Variants in DAB1 observed in about 807,000 individuals in gnomAD.
DAB1 encodes the protein disabled homolog 1.
DAB1 carries 15 observed loss-of-function variants against 64.6 expected under a neutral mutation model. The observed-to-expected ratio is 0.23, with a 90% CI of 0.16 to 0.36. DAB1 has a LOEUF of 0.36. DAB1 is among the 10% of genes least tolerant of loss of function. The probability of loss-of-function intolerance (pLI) is 1.00; values close to 1 mark genes in which losing one functional copy is unlikely to be tolerated. For missense variants in DAB1, 596 were observed against 706.7 expected, an observed-to-expected ratio of 0.84 and a Z score of 1.78; for synonymous variants, 235 against 251.9, an observed-to-expected ratio of 0.93 and a Z score of 0.64.
At chr1:57,361,144 A>T (rs987065988) in intron 1 of DAB1, among the ~76,000 whole-genome samples, 2 of 152,174 alleles carry the variant, frequency 1.3e-5, no homozygotes, top group Non-Finnish European at 2.9e-5. Context: ...AGACAAAAAA[A>T]TAAAGAGCAT....
chr1:57,745,065 G>A (rs1648200280), intron 6 of DAB1, among the ~76,000 whole-genome samples: 1 of 152,166 alleles, frequency 6.6e-6, no homozygotes, highest in African/African-American at 2.4e-5. Context: ...CTGCCATTTA[G>A]TAATTGGTAA....
chr1:57,916,961 T>C (rs546433663), intron 5 of DAB1, among the ~76,000 whole-genome samples: 28 of 152,106 alleles, frequency 1.8e-4, no homozygotes, highest in African/African-American at 6.0e-4. Context: ...AAAAAAAGTT[T>C]TAATGAATCA....
At chr1:57,691,539 T>G (rs1646764349) in intron 6 of DAB1, among the ~76,000 whole-genome samples, 1 of 152,136 alleles carries the variant, frequency 6.6e-6, no homozygotes, top group African/African-American at 2.4e-5. Flanking sequence ...CTGATCACTC[T>G]TTGGGTCTGC....
rs991032465 is a variant in DAB1 at position 58,180,295 on chromosome 1, T to C, written n.310-29707A>G. ...TTTTTTCTTTTCTTTTTTTTTTTTT[T>C]TTTTTTTTTTTTTTTGAGATAGGAT... On this transcript the variant is annotated intron_variant and non_coding_transcript_variant, in intron 4 of 20. Coordinates refer to the DAB1 transcript ENST00000485760. Among the ~76,000 whole-genome samples, 405 of 130,796 alleles carry C rather than the reference T, an allele frequency of 3.1e-3. 4 individuals carry two copies. The highest frequency in any genetic ancestry group is 5.1e-3 in the Non-Finnish European group (320 of 62,160). The allele number at this position is 130,796 out of a possible 152,430, so 85.8% of individuals were successfully genotyped here.
chr1:58,056,329 C>T (rs1648088896), intron 5 of DAB1: 1 of 1,570,560 alleles, frequency 6.4e-7, no homozygotes, highest in Non-Finnish European at 8.7e-7. Context: ...AGAAATGTCC[C>T]TGACTGCTGC....
chr1:57,798,115 G>A lies in DAB1; in HGVS notation n.551+85884C>T, dbSNP rs139429164. The stretch of plus-strand genomic sequence containing the variant: ...TAGCAGGCCCAAGTCACTCAGCAAT[G>A]AGTGACAGATTCAATATTCAAACCC... On this transcript the variant is annotated intron_variant and non_coding_transcript_variant, in intron 6 of 20. Coordinates refer to the DAB1 transcript ENST00000485760. 1.3e-3 allele frequency among the ~76,000 whole-genome samples: 191 copies of A among 152,286 alleles called. No individual in the cohort carries two copies. In the Middle Eastern group the frequency reaches 0.031, roughly 24 times the overall value.
intron 4 of DAB1, among the ~76,000 whole-genome samples, chr1:57,116,216 C>A (rs1656091168): frequency 6.6e-6 from 1 of 151,450 alleles, no homozygotes; most frequent in African/African-American, 2.4e-5. Flanking sequence ...GTAATCCCAG[C>A]ACTTTGGGAG....
intron 5 of DAB1, among the ~76,000 whole-genome samples, chr1:57,908,767 C>T (rs1017851411): frequency 6.6e-6 from 1 of 152,170 alleles, no homozygotes; most frequent in Non-Finnish European, 1.5e-5. Context: ...CTGCTTTTCT[C>T]AGCTGAGGCC....
upstream of DAB1, among the ~76,000 whole-genome samples, chr1:57,884,349 A>G (rs1644191433): frequency 6.6e-6 from 1 of 152,210 alleles, no homozygotes; most frequent in African/African-American, 2.4e-5. Context: ...GTGCTGAGCT[A>G]AACAAAAGGG....
chr1:58,103,119 G>A (rs1220893270), intron 5 of DAB1, among the ~76,000 whole-genome samples: 2 of 152,166 alleles, frequency 1.3e-5, no homozygotes, highest in African/African-American at 2.4e-5. Context: ...AAGACTTCCT[G>A]CGGCACCCGA....
At chr1:58,115,283 ATGAGATATCATCTC>A (rs1243240685) in intron 5 of DAB1, among the ~76,000 whole-genome samples, 51 of 43,628 alleles carry the variant, frequency 1.2e-3, no homozygotes, top group Admixed American at 3.3e-3. Context: ...CAAAACCACT[ATGAGATATCATCTC>A]ACACCAGTTA....
intron 5 of DAB1, among the ~76,000 whole-genome samples, chr1:57,072,022 C>A (rs1651515046): frequency 6.9e-6 from 1 of 145,368 alleles, no homozygotes; most frequent in Non-Finnish European, 1.5e-5. Context: ...TCCAGTTTAA[C>A]CAGAAAGGAA....
At chr1:57,036,181 C>G (rs1033294726) in intron 9 of DAB1, among the ~76,000 whole-genome samples, 1 of 151,992 alleles carries the variant, frequency 6.6e-6, no homozygotes, top group Non-Finnish European at 1.5e-5. Context: ...AAATGAAAAT[C>G]TTTCCAATGG....
intron 1 of DAB1, among the ~76,000 whole-genome samples, chr1:57,378,626 G>T (rs1187712388): frequency 6.6e-6 from 1 of 152,144 alleles, no homozygotes; most frequent in Non-Finnish European, 1.5e-5. Context: ...TGTATTAGAA[G>T]GATGGAGCAA....
chr1:57,482,477 TAAAAAAAAAAAA>T (rs918167439), intron 7 of DAB1, among the ~76,000 whole-genome samples: 2 of 61,200 alleles, frequency 3.3e-5, no homozygotes, highest in East Asian at 4.7e-4. Flanking sequence ...CTGAAAGTTG[TAAAAAAAAAAAA>T]AAAAAAAAAA....
intron 4 of DAB1, among the ~76,000 whole-genome samples, chr1:58,243,032 T>C (rs1660367797): frequency 6.6e-6 from 1 of 152,152 alleles, no homozygotes; most frequent in African/African-American, 2.4e-5. Flanking sequence ...GAAAACAGCT[T>C]GGTTTCTTCA....
chr1:58,008,789 C>G (rs1219747631), intron 5 of DAB1, among the ~76,000 whole-genome samples: 1 of 152,156 alleles, frequency 6.6e-6, no homozygotes, highest in Non-Finnish European at 1.5e-5. Context: ...AAACCTCTTA[C>G]TGAATATGTC....
Position 57,724,556 on chromosome 1 carries a change from T to G in DAB1, n.552-74891A>C, listed in dbSNP as rs924905723. 2.0e-5 allele frequency among the ~76,000 whole-genome samples: 3 copies of G among 152,016 alleles called. No individual in the cohort carries two copies. In the South Asian group the frequency reaches 6.3e-4, roughly 32 times the overall value. ...ACCAGGAGTGAAATTCTGAAATGAGTGAGTTTGGTAATTTCAATAAAAATC... is the reference window on the plus strand; with the variant it reads ...ACCAGGAGTGAAATTCTGAAATGAGGGAGTTTGGTAATTTCAATAAAAATC... On this transcript the variant is annotated intron_variant and non_coding_transcript_variant, in intron 6 of 20. Coordinates refer to the DAB1 transcript ENST00000485760.
chr1:57,370,782 C>T (rs1680435023), intron 1 of DAB1, among the ~76,000 whole-genome samples: 1 of 152,158 alleles, frequency 6.6e-6, no homozygotes, highest in South Asian at 2.1e-4. Context: ...GAGTCCTGAC[C>T]TAGAAATCCA....
Sources: allele counts gnomAD v4.1 joint callset (sites outside exome capture counted in the v4.1 genomes callset), GRCh38; gene constraint gnomAD v4.1.1; transcripts MANE v1.5; gene names NCBI Gene and HGNC (gene_info 2026-07-23, HGNC 2026-07-21).